STAT3: variants seen among roughly 807,000 people sequenced by gnomAD.
STAT3 encodes signal transducer and activator of transcription 3, also known as DNA-binding protein APRF.
Under a neutral mutation model 114.3 loss-of-function variants are expected in STAT3, and 7 were observed. The observed-to-expected ratio is 0.06, with a 90% CI of 0.03 to 0.11. The LOEUF is 0.11. Among genes scored for constraint, STAT3 ranks in the 10% least tolerant of loss-of-function variants. The pLI, the probability that STAT3 is intolerant of heterozygous loss-of-function variation, is 1.00. For missense variants in STAT3, 364 were observed against 960.9 expected, an observed-to-expected ratio of 0.38 and a Z score of 8.21; for synonymous variants, 331 against 354.5, an observed-to-expected ratio of 0.93 and a Z score of 0.74.
Position 42,388,272 on chromosome 17 carries a change from C to T in STAT3, c.-24+7G>A, listed in dbSNP as rs2085225609. On this transcript the variant is annotated splice_region_variant and intron_variant, in intron 1 of 23. Transcript: ENST00000264657. Reference sequence around the variant, plus strand: ...TCCCCAACGGCCCCACCCTGCACCCCCTTCACCTGTTTCTCCGGCAGAGGC... The same window carrying T: ...TCCCCAACGGCCCCACCCTGCACCCTCTTCACCTGTTTCTCCGGCAGAGGC... The T allele has an allele frequency of 2.4e-6, 3 of 1,231,674 alleles. No individual in the cohort carries two copies. Among genetic ancestry groups the T allele is most frequent in the African/African-American group, 1.6e-5 (1 of 64,406 alleles). 76.3% of individuals were successfully genotyped at this position (1,231,674 alleles called of 1,614,324 possible).
In STAT3 at chr17:42,324,637, C is replaced by CAA. The variant is rs2081623702; in HGVS notation, c.1600+72_1600+73dup. 6.6e-7 allele frequency: 1 copy of CAA among 1,511,078 alleles called. No individual in the cohort carries two copies. Among genetic ancestry groups the CAA allele is most frequent in the Admixed American group, 2.3e-5 (1 of 43,446 alleles). The allele number at this position is 1,511,078 out of a possible 1,614,324, so 93.6% of individuals were successfully genotyped here. ...GGCCTAATGCTCAGTAGACATGGCC[C>CAA]AAATGAACAGCCCTATGGGCCGGAT... On this transcript the variant is annotated intron_variant, in intron 17 of 23. Coordinates refer to ENST00000264657, the MANE Select transcript of STAT3 (RefSeq NM_139276.3). The surrounding 1 kb of genome is among the most constrained non-coding windows in gnomAD (Gnocchi z 4.5).
intron 1 of STAT3, among the ~76,000 whole-genome samples, chr17:42,358,028 C>T (rs887049817): frequency 2.0e-5 from 3 of 152,066 alleles, no homozygotes; most frequent in Admixed American, 2.0e-4. Context: ...AAATTAAAAA[C>T]CAATGACGAT....
intron 4 of STAT3, among the ~76,000 whole-genome samples, chr17:42,340,030 A>G (rs994971705): frequency 1.1e-4 from 16 of 152,174 alleles, no homozygotes; most frequent in Admixed American, 2.0e-4. Context: ...AATTAAAGAA[A>G]TAACAAAAAA....
In STAT3 at chr17:42,388,324, G is replaced by A. The variant is rs994095771; in HGVS notation, c.-69C>T. The A allele has an allele frequency of 2.0e-5, 25 of 1,231,978 alleles. No homozygotes were observed. The highest frequency in any genetic ancestry group is 3.2e-5 in the East Asian group (1 of 31,708). 76.3% of individuals were successfully genotyped at this position (1,231,978 alleles called of 1,614,324 possible). ...GAGAGGCCGGGGCTGCGCGTGTGCC[G>A]GGGACGGGCGGCGAGGCTCCCTCAG... On this transcript the variant is annotated 5_prime_UTR_variant, in exon 1 of 24. Transcript: ENST00000264657.
intron 10 of STAT3, among the ~76,000 whole-genome samples, chr17:42,332,268 G>A (rs1429239359): frequency 4.7e-5 from 7 of 150,212 alleles, no homozygotes; most frequent in East Asian, 2.0e-4. Context: ...GGCTGGGTGC[G>A]GTGACTCACA....
chr17:42,381,853 A>G (rs960629437), intron 1 of STAT3, among the ~76,000 whole-genome samples: 7 of 152,120 alleles, frequency 4.6e-5, no homozygotes, highest in Admixed American at 1.3e-4. Flanking sequence ...TAAAACACAC[A>G]TTTTATATTC....
intron 15 of STAT3, 37 bp downstream of exon 15, chr17:42,326,079 G>T: frequency 6.3e-7 from 1 of 1,586,220 alleles, no homozygotes; most frequent in Non-Finnish European, 8.7e-7. Context: ...AGTCACCCCT[G>T]TACGTAGCCT....
chr17:42,355,591 A>C (rs1352742556), intron 1 of STAT3, among the ~76,000 whole-genome samples: 1 of 152,218 alleles, frequency 6.6e-6, no homozygotes, highest in Non-Finnish European at 1.5e-5. Flanking sequence ...AAGTCATCAA[A>C]GACTTTTTGG....
chr17:42,363,504 T>C (rs2083618705), intron 1 of STAT3, among the ~76,000 whole-genome samples: 1 of 152,002 alleles, frequency 6.6e-6, no homozygotes, highest in African/African-American at 2.4e-5. Context: ...AGTGCAATAA[T>C]ACGATCACAG....
chr17:42,388,369 C>A lies in STAT3; in HGVS notation c.-114G>T, dbSNP rs903589076. On this transcript the variant is annotated 5_prime_UTR_variant, in exon 1 of 24. Transcript: ENST00000264657. ...CCTCAGGCCGAAGGGCCTCTCCGAG[C>A]CGAGGGGGAGAGACAGCGCCAAGCC... 4.9e-6 allele frequency: 6 copies of A among 1,231,572 alleles called. No individual in the cohort carries two copies. The highest frequency in any genetic ancestry group is 6.1e-6 in the Non-Finnish European group (6 of 987,938). 76.3% of individuals were successfully genotyped at this position (1,231,572 alleles called of 1,614,324 possible).
intron 21 of STAT3, among the ~76,000 whole-genome samples, chr17:42,321,924 G>A (rs2081500880): frequency 1.3e-5 from 2 of 151,948 alleles, no homozygotes; most frequent in Non-Finnish European, 2.9e-5. Context: ...CCTTGGCTCA[G>A]GTGATCCTCC....
At chr17:42,341,208 C>T (rs1461187335) in intron 4 of STAT3, among the ~76,000 whole-genome samples, 1 of 152,194 alleles carries the variant, frequency 6.6e-6, no homozygotes, top group Non-Finnish European at 1.5e-5. Flanking sequence ...CCTCTAATAC[C>T]TTCGTAAAAA....
intron 1 of STAT3, among the ~76,000 whole-genome samples, chr17:42,373,371 A>T (rs908623564): frequency 1.7e-4 from 26 of 151,640 alleles, no homozygotes; most frequent in African/African-American, 6.3e-4. Flanking sequence ...AAAGAAAAGA[A>T]AGAAAACACG....
At chr17:42,331,070 AG>A (rs760696025) in intron 11 of STAT3, among the ~76,000 whole-genome samples, 1 of 152,212 alleles carries the variant, frequency 6.6e-6, no homozygotes, top group Non-Finnish European at 1.5e-5. Flanking sequence ...GGTGTGCAGT[AG>A]GTTCTGCCAC....
intron 21 of STAT3, chr17:42,317,638 C>A (rs774136492): frequency 1.5e-4 from 40 of 263,926 alleles, no homozygotes; most frequent in Admixed American, 2.9e-4. Flanking sequence ...CCTGTGTAGT[C>A]TTTGCATGGT....
At chr17:42,355,723 C>G (rs1265183352) in intron 1 of STAT3, among the ~76,000 whole-genome samples, 2 of 152,110 alleles carry the variant, frequency 1.3e-5, no homozygotes, top group African/African-American at 2.4e-5. Context: ...AAAGTCTGTC[C>G]AAAGTTACAG....
chr17:42,351,899 T>C (rs186789636), intron 1 of STAT3, among the ~76,000 whole-genome samples: 32 of 152,096 alleles, frequency 2.1e-4, no homozygotes, highest in African/African-American at 7.2e-4. Context: ...GCTGGGATTA[T>C]AGGCACGCAC....
intron 4 of STAT3, among the ~76,000 whole-genome samples, chr17:42,341,907 C>T (rs569005154): frequency 6.6e-6 from 1 of 152,128 alleles, no homozygotes; most frequent in Admixed American, 6.6e-5. Flanking sequence ...TTGGGCCACG[C>T]TCACAGTTTG....
At chr17:42,376,172 G>C (rs1389468536) in intron 1 of STAT3, among the ~76,000 whole-genome samples, 1 of 150,624 alleles carries the variant, frequency 6.6e-6, no homozygotes, top group African/African-American at 2.4e-5. Flanking sequence ...GAGAAAGAAT[G>C]ATTGATAAAC....
Sources: allele counts gnomAD v4.1 joint callset (sites outside exome capture counted in the v4.1 genomes callset), GRCh38; gene constraint gnomAD v4.1.1; non-coding constraint Gnocchi (gnomAD v3.1); transcripts MANE v1.5; gene names NCBI Gene and HGNC (gene_info 2026-07-23, HGNC 2026-07-21).